The following FILIP1L variants were observed in gnomAD, a reference collection of about 807,000 sequenced individuals.
FILIP1L encodes the protein filamin A-interacting protein 1-like.
Under a neutral mutation model 96.6 loss-of-function variants are expected in FILIP1L, and 55 were observed. The ratio of observed to expected loss-of-function variants is 0.57; its 90% CI spans 0.46 to 0.71. FILIP1L has a LOEUF of 0.71. Among genes scored for constraint, FILIP1L ranks in the 30% least tolerant of loss-of-function variants. FILIP1L has a pLI of 0.00. For missense variants in FILIP1L, 1,304 were observed against 1,321.2 expected (o/e 0.99, Z 0.20); for synonymous variants, 467 against 473.9 (o/e 0.99, Z 0.19).
At chr3:100,008,248 C>G (rs1283239458) in intron 1 of FILIP1L, among the ~76,000 whole-genome samples, 1 of 152,158 alleles carries the variant, frequency 6.6e-6, no homozygotes, top group Admixed American at 6.5e-5. Context: ...TACTCCACCC[C>G]TGCTTCCCAA....
intron 1 of FILIP1L, among the ~76,000 whole-genome samples, chr3:99,988,870 T>G (rs1709431723): frequency 6.6e-6 from 1 of 152,242 alleles, no homozygotes; most frequent in South Asian, 2.1e-4. Context: ...TTCTCCTGGC[T>G]TCTGCCTTGG....
intron 1 of FILIP1L, among the ~76,000 whole-genome samples, chr3:100,006,155 A>G (rs1336739868): frequency 6.6e-6 from 1 of 152,186 alleles, no homozygotes; most frequent in African/African-American, 2.4e-5. Flanking sequence ...AGGTAGGTAT[A>G]CTGGTGGTTT....
chr3:99,998,849 G>A (rs1244732588), intron 1 of FILIP1L, among the ~76,000 whole-genome samples: 3 of 152,188 alleles, frequency 2.0e-5, no homozygotes, highest in African/African-American at 4.8e-5. Context: ...GATTACAGGC[G>A]TGAGCCACCG....
chr3:100,025,962 G>A (rs570033484), intron 1 of FILIP1L, among the ~76,000 whole-genome samples: 79 of 152,274 alleles, frequency 5.2e-4, no homozygotes, highest in African/African-American at 1.8e-3. Flanking sequence ...GTGAGATGTG[G>A]TATTAGAGCT....
intron 1 of FILIP1L, among the ~76,000 whole-genome samples, chr3:100,105,548 A>G (rs138646977): frequency 6.6e-6 from 1 of 152,196 alleles, no homozygotes; most frequent in Non-Finnish European, 1.5e-5. Context: ...GGGCTATAAG[A>G]TTAACCGAAA....
intron 4 of FILIP1L, among the ~76,000 whole-genome samples, chr3:99,902,731 A>T (rs1160341861): frequency 6.6e-6 from 1 of 152,198 alleles, no homozygotes; most frequent in East Asian, 1.9e-4. Context: ...AAAATCAGGC[A>T]TATCCATGTT....
chr3:100,019,412 G>A (rs983607508), intron 1 of FILIP1L, among the ~76,000 whole-genome samples: 12 of 152,080 alleles, frequency 7.9e-5, no homozygotes, highest in South Asian at 4.1e-4. Context: ...TACCCTTACC[G>A]AAAGGAATAG....
chr3:100,066,913 A>G (rs950139632), intron 1 of FILIP1L, among the ~76,000 whole-genome samples: 1 of 152,090 alleles, frequency 6.6e-6, no homozygotes, highest in Non-Finnish European at 1.5e-5. Context: ...ATAGCCAGTC[A>G]TTACTTGTTT....
At chr3:100,070,216 C>T (rs1269429983) in intron 1 of FILIP1L, among the ~76,000 whole-genome samples, 1 of 152,084 alleles carries the variant, frequency 6.6e-6, no homozygotes, top group Admixed American at 6.6e-5. Flanking sequence ...GAATATCATC[C>T]TTAGATAGTT....
intron 1 of FILIP1L, among the ~76,000 whole-genome samples, chr3:99,949,924 G>A (rs1341727695): frequency 6.6e-6 from 1 of 152,246 alleles, no homozygotes; most frequent in East Asian, 1.9e-4. Flanking sequence ...AGGCTGAGTT[G>A]TTCTGTTGCT....
intron 4 of FILIP1L, among the ~76,000 whole-genome samples, chr3:99,851,672 A>T (rs1163108693): frequency 6.6e-6 from 1 of 152,204 alleles, no homozygotes; most frequent in Non-Finnish European, 1.5e-5. Flanking sequence ...GGCTTGCTTG[A>T]ACCAAAGTGT....
chr3:99,969,316 A>G (rs917830135), intron 1 of FILIP1L, among the ~76,000 whole-genome samples: 6 of 152,240 alleles, frequency 3.9e-5, no homozygotes, highest in African/African-American at 1.2e-4. Flanking sequence ...CTCTTGAGCA[A>G]TATGACAGTT....
intron 4 of FILIP1L, among the ~76,000 whole-genome samples, chr3:99,880,760 A>G (rs1576543971): frequency 6.6e-6 from 1 of 152,236 alleles, no homozygotes; most frequent in South Asian, 2.1e-4. Flanking sequence ...AAAATTTTAC[A>G]TGTAGTCCTA....
chr3:100,055,096 G>T (rs1245201431), intron 1 of FILIP1L, among the ~76,000 whole-genome samples: 2 of 152,116 alleles, frequency 1.3e-5, no homozygotes, highest in Non-Finnish European at 1.5e-5. Flanking sequence ...TCCTGCCTCA[G>T]ACTCTTACCA....
intron 1 of FILIP1L, chr3:100,109,985 A>T (rs1293971376): frequency 7.2e-6 from 1 of 139,596 alleles, no homozygotes; most frequent in Non-Finnish European, 1.5e-5. Flanking sequence ...ACTGTTGGCA[A>T]CCATTTTTTT....
intron 4 of FILIP1L, among the ~76,000 whole-genome samples, chr3:99,917,930 G>C (rs925200345): frequency 2.6e-5 from 4 of 152,054 alleles, no homozygotes; most frequent in Non-Finnish European, 4.4e-5. Flanking sequence ...AAGAGACACA[G>C]AAATCATAAT....
intron 1 of FILIP1L, among the ~76,000 whole-genome samples, chr3:100,080,321 G>C (rs989539100): frequency 1.7e-4 from 25 of 144,572 alleles, no homozygotes; most frequent in Non-Finnish European, 3.6e-4. Flanking sequence ...AGCTAAGAGG[G>C]GGAAAAAAAA....
intron 1 of FILIP1L, among the ~76,000 whole-genome samples, chr3:100,060,220 T>C (rs2065538209): frequency 6.6e-6 from 1 of 152,168 alleles, no homozygotes; most frequent in Non-Finnish European, 1.5e-5. Flanking sequence ...AAGATTTTTT[T>C]GATCTACTAT....
At chr3:100,039,546 G>T (rs916466771) in intron 1 of FILIP1L, among the ~76,000 whole-genome samples, 2 of 152,084 alleles carry the variant, frequency 1.3e-5, no homozygotes, top group Non-Finnish European at 2.9e-5. Context: ...GGGATACCAG[G>T]AGTACCTTGG....
Sources: allele counts gnomAD v4.1 joint callset (sites outside exome capture counted in the v4.1 genomes callset), GRCh38; gene constraint gnomAD v4.1.1; transcripts MANE v1.5; gene names NCBI Gene and HGNC (gene_info 2026-07-23, HGNC 2026-07-21).